The following PPAT variants were observed in gnomAD, a reference collection of about 807,000 sequenced individuals.
PPAT encodes the protein amidophosphoribosyltransferase.
PPAT carries 20 observed loss-of-function variants against 60.2 expected under a neutral mutation model. The observed-to-expected ratio is 0.33, with a 90% CI of 0.23 to 0.48. PPAT has a LOEUF of 0.48. PPAT is among the 20% of genes least tolerant of loss of function. The pLI is 0.99. For synonymous variants in PPAT, 194 were observed against 215.1 expected (o/e 0.90, Z 0.86); for missense variants, 349 against 629.6 (o/e 0.55, Z 4.77).
In PPAT at chr4:56,435,486, C is replaced by T. The variant is rs1180261336; in HGVS notation, c.-9G>A. 6.2e-7 allele frequency: 1 copy of T among 1,613,116 alleles called. No homozygotes were observed. Among genetic ancestry groups the T allele is most frequent in the African/African-American group, 1.3e-5 (1 of 74,906 alleles). Reference sequence around the variant, plus strand: ...AACTCCTCCAGCTCCATGTCGCCGCCGAAAGCACGTGGAAGGACCTGCCGC... The same window carrying T: ...AACTCCTCCAGCTCCATGTCGCCGCTGAAAGCACGTGGAAGGACCTGCCGC... On this transcript the variant is annotated 5_prime_UTR_variant, in exon 1 of 11. Transcript: ENST00000264220.
chr4:56,414,954 A>G (rs1324815148), intron 1 of PPAT, among the ~76,000 whole-genome samples: 1 of 152,238 alleles, frequency 6.6e-6, no homozygotes, highest in Non-Finnish European at 1.5e-5. Context: ...GTTTATAAAA[A>G]TACAACTGTG....
At chr4:56,425,387 G>C in intron 1 of PPAT, 1 of 869,522 alleles carries the variant, frequency 1.2e-6, no homozygotes, top group Non-Finnish European at 1.4e-6. Context: ...TCCAGATAGA[G>C]AAGAACTTAT....
chr4:56,420,661 CA>C (rs562763013), intron 1 of PPAT: 179 of 152,074 alleles, frequency 1.2e-3, no homozygotes, highest in African/African-American at 4.2e-3. Context: ...CCCCAGATGG[CA>C]GAAGTTAAAG....
In PPAT at chr4:56,395,266, G is replaced by T; in HGVS notation, c.*86C>A. The stretch of plus-strand genomic sequence containing the variant: ...CATGGCATTTTACATTGTACCAACT[G>T]AGTAACAGTAAATAGATGAGGTGTG... On this transcript the variant is annotated 3_prime_UTR_variant, in exon 11 of 11. Coordinates refer to ENST00000264220, the MANE Select transcript of PPAT (RefSeq NM_002703.5). The T allele has an allele frequency of 1.7e-6, 2 of 1,170,246 alleles. No homozygotes were observed. The highest frequency in any genetic ancestry group is 2.4e-6 in the Non-Finnish European group (2 of 827,216). The allele number at this position is 1,170,246 out of a possible 1,614,324, so 72.5% of individuals were successfully genotyped here.
intron 1 of PPAT, among the ~76,000 whole-genome samples, chr4:56,411,160 T>C (rs530022039): frequency 6.6e-6 from 1 of 152,292 alleles, no homozygotes; most frequent in African/African-American, 2.4e-5. Context: ...CACTGACTGC[T>C]AGTGCCAACT....
intron 9 of PPAT, among the ~76,000 whole-genome samples, chr4:56,398,882 G>A (rs1716047396): frequency 6.6e-6 from 1 of 151,830 alleles, no homozygotes; most frequent in Admixed American, 6.6e-5. Context: ...CGAACTCCTG[G>A]GCTCAAGCAA....
chr4:56,413,950 A>G (rs1716594689), intron 1 of PPAT, among the ~76,000 whole-genome samples: 1 of 152,184 alleles, frequency 6.6e-6, no homozygotes, highest in African/African-American at 2.4e-5. Flanking sequence ...TTAAGAAACA[A>G]TGGCCTATAA....
At position 56,396,785 on chromosome 4, in the gene PPAT, A is replaced by G. The variant is rs868271645; in HGVS notation, c.1237-46T>C. ...CACAAGGTTTTTAAGACTATGCAAA[A>G]TTCTTTCATTGTGCAAATACAATAC... On this transcript the variant is annotated intron_variant, in intron 9 of 10. Coordinates refer to ENST00000264220, the MANE Select transcript of PPAT (RefSeq NM_002703.5). The surrounding 1 kb of genome is among the most constrained non-coding windows in gnomAD (Gnocchi z 4.6). 3 of 1,569,038 alleles carry G rather than the reference A, an allele frequency of 1.9e-6. No homozygotes were observed. Among genetic ancestry groups the G allele is most frequent in the Middle Eastern group, 1.7e-4 (1 of 5,840 alleles).
chr4:56,406,201 C>T (rs1304505198), intron 3 of PPAT, among the ~76,000 whole-genome samples: 1 of 152,170 alleles, frequency 6.6e-6, no homozygotes, highest in Non-Finnish European at 1.5e-5. Context: ...AGTCCATAAA[C>T]TCTAATTTCT....
At chr4:56,409,118 C>A (rs928869455) in intron 1 of PPAT, among the ~76,000 whole-genome samples, 3 of 152,098 alleles carry the variant, frequency 2.0e-5, no homozygotes, top group Non-Finnish European at 4.4e-5. Context: ...CGATAGCATG[C>A]GTGATATAAT....
intron 2 of PPAT, among the ~76,000 whole-genome samples, 174 bp downstream of exon 2, chr4:56,407,476 G>A (rs994835874): frequency 1.3e-5 from 2 of 151,940 alleles, no homozygotes; most frequent in East Asian, 1.9e-4. Context: ...GCGCCACCAC[G>A]CCTGGCTAAT....
rs1715959418 is a variant in PPAT, at chr4:56,396,009, T to C, written c.1358-461A>G. 6.6e-6 allele frequency among the ~76,000 whole-genome samples: 1 copy of C among 152,160 alleles called. No homozygotes were observed. Among genetic ancestry groups the C allele is most frequent in the South Asian group, 2.1e-4 (1 of 4,824 alleles). ...GTTTCTGGCAAAGTGTGAGTGCTTA[T>C]AACATGTATGACACCCATCAGGGTG... is the stretch of plus-strand genomic sequence containing the variant. On this transcript the variant is annotated intron_variant, in intron 10 of 10. Coordinates refer to ENST00000264220, the MANE Select transcript of PPAT (RefSeq NM_002703.5). The surrounding 1 kb of genome is among the most constrained non-coding windows in gnomAD (Gnocchi z 4.6).
intron 1 of PPAT, among the ~76,000 whole-genome samples, chr4:56,429,651 T>C (rs1048018898): frequency 2.6e-5 from 4 of 152,194 alleles, no homozygotes; most frequent in Non-Finnish European, 5.9e-5. Flanking sequence ...GCCTTATAGA[T>C]TTATAATTTA....
chr4:56,426,580 C>T (rs2110064564), intron 1 of PPAT, among the ~76,000 whole-genome samples: 1 of 152,282 alleles, frequency 6.6e-6, no homozygotes, highest in South Asian at 2.1e-4. Flanking sequence ...CACGGTTCAT[C>T]CACGTTGTAG....
chr4:56,434,316 GC>G (rs1360500060), intron 1 of PPAT, among the ~76,000 whole-genome samples: 1 of 152,166 alleles, frequency 6.6e-6, no homozygotes, highest in African/African-American at 2.4e-5. Flanking sequence ...CTTTTGGAAT[GC>G]GTTTATACGT....
At chr4:56,410,111 GATTC>G (rs1227926493) in intron 1 of PPAT, among the ~76,000 whole-genome samples, 1 of 152,166 alleles carries the variant, frequency 6.6e-6, no homozygotes, top group Admixed American at 6.5e-5. Flanking sequence ...AGGACTAGGT[GATTC>G]ATGTCAGAGG....
intron 1 of PPAT, among the ~76,000 whole-genome samples, chr4:56,419,032 C>G (rs948293687): frequency 5.9e-5 from 9 of 152,218 alleles, no homozygotes; most frequent in African/African-American, 2.2e-4. Context: ...CTCTTCCAAG[C>G]CCTCAGCTCA....
At chr4:56,419,188 G>T (rs1716917895) in intron 1 of PPAT, among the ~76,000 whole-genome samples, 1 of 152,088 alleles carries the variant, frequency 6.6e-6, no homozygotes, top group African/African-American at 2.4e-5. Context: ...AAAGAAAAAA[G>T]AAAGGAGTTA....
At chr4:56,405,266 C>G (rs1354715823) in intron 3 of PPAT, among the ~76,000 whole-genome samples, 1 of 152,154 alleles carries the variant, frequency 6.6e-6, no homozygotes, top group Non-Finnish European at 1.5e-5. Flanking sequence ...TTCATTTTTT[C>G]ATGTCATCTT....
Sources: allele counts gnomAD v4.1 joint callset (sites outside exome capture counted in the v4.1 genomes callset), GRCh38; gene constraint gnomAD v4.1.1; non-coding constraint Gnocchi (gnomAD v3.1); transcripts MANE v1.5; gene names NCBI Gene and HGNC (gene_info 2026-07-23, HGNC 2026-07-21).